ARHGEF28: variants seen among roughly 807,000 people sequenced by gnomAD.
ARHGEF28 encodes the protein 190 kDa guanine nucleotide exchange factor.
A neutral mutation model predicts 206.6 loss-of-function variants in ARHGEF28; 152 were observed. The ratio of observed to expected loss-of-function variants is 0.74; its 90% confidence interval spans 0.64 to 0.84. The LOEUF is 0.84. Among genes scored for constraint, ARHGEF28 ranks in the 40% least tolerant of loss-of-function variants. ARHGEF28 has a pLI of 0.00. For synonymous variants in ARHGEF28, 763 were observed against 776.4 expected (o/e 0.98, Z 0.29); for missense variants, 2,028 against 2,073.2 (o/e 0.98, Z 0.42).
intron 7 of ARHGEF28, among the ~76,000 whole-genome samples, chr5:73,781,632 G>C (rs2112462091): frequency 6.6e-6 from 1 of 152,166 alleles, no homozygotes; most frequent in South Asian, 2.1e-4. Context: ...TGTATTTCTT[G>C]TCTGGAACAG....
At chr5:73,855,049 G>A (rs1218026890) in intron 14 of ARHGEF28, among the ~76,000 whole-genome samples, 1 of 152,110 alleles carries the variant, frequency 6.6e-6, no homozygotes, top group Non-Finnish European at 1.5e-5. Flanking sequence ...ACTAATAATA[G>A]AGATTAGACG....
chr5:73,910,880 A>G (rs1284675717), intron 34 of ARHGEF28, among the ~76,000 whole-genome samples: 1 of 152,216 alleles, frequency 6.6e-6, no homozygotes, highest in African/African-American at 2.4e-5. Context: ...ATAAGCTTAC[A>G]AGATCTCTGT....
intron 2 of ARHGEF28, among the ~76,000 whole-genome samples, chr5:73,726,763 G>A (rs1294181983): frequency 1.3e-5 from 2 of 152,190 alleles, no homozygotes; most frequent in Non-Finnish European, 2.9e-5. Context: ...GCATGTTTAA[G>A]CACTTAATGT....
At chr5:73,895,337 G>C (rs190587307) in intron 29 of ARHGEF28, among the ~76,000 whole-genome samples, 36 of 152,262 alleles carry the variant, frequency 2.4e-4, no homozygotes, top group Admixed American at 1.0e-3. Context: ...TAAGTTTATA[G>C]AATTGAAAAT....
At chr5:73,852,955 C>G (rs1263800474) in intron 14 of ARHGEF28, among the ~76,000 whole-genome samples, 1 of 152,192 alleles carries the variant, frequency 6.6e-6, no homozygotes, top group Non-Finnish European at 1.5e-5. Flanking sequence ...TCAAGGGGAG[C>G]AGTGTGAGGG....
intron 9 of ARHGEF28, among the ~76,000 whole-genome samples, chr5:73,818,364 A>G (rs1756358618): frequency 7.4e-6 from 1 of 135,078 alleles, no homozygotes; most frequent in South Asian, 2.7e-4. Flanking sequence ...AGATACTTTT[A>G]TCTCATGGGC....
At chr5:73,771,966 G>A (rs1297519999) in intron 4 of ARHGEF28, among the ~76,000 whole-genome samples, 1 of 152,152 alleles carries the variant, frequency 6.6e-6, no homozygotes, top group African/African-American at 2.4e-5. Flanking sequence ...ATTTTACTGA[G>A]GGGAAGTGTT....
chr5:73,697,173 T>C (rs939361063), intron 2 of ARHGEF28, among the ~76,000 whole-genome samples: 3 of 152,198 alleles, frequency 2.0e-5, no homozygotes, highest in African/African-American at 7.2e-5. Flanking sequence ...TTGTTAAAAC[T>C]GTAGGGAATG....
chr5:73,905,960 T>C (rs1228190654), intron 33 of ARHGEF28, among the ~76,000 whole-genome samples: 1 of 152,224 alleles, frequency 6.6e-6, no homozygotes, highest in Non-Finnish European at 1.5e-5. Context: ...CCCTCACTGG[T>C]TTATTATTCA....
chr5:73,647,963 C>T (rs1744545968), intron 1 of ARHGEF28, among the ~76,000 whole-genome samples: 1 of 152,174 alleles, frequency 6.6e-6, no homozygotes, highest in African/African-American at 2.4e-5. Flanking sequence ...TACATTGATA[C>T]ATTTTAGTTG....
At chr5:73,765,023 T>C (rs1489339410) in intron 4 of ARHGEF28, among the ~76,000 whole-genome samples, 1 of 152,240 alleles carries the variant, frequency 6.6e-6, no homozygotes, top group Non-Finnish European at 1.5e-5. Context: ...TGTTCATCAT[T>C]TTTGGCATTT....
At chr5:73,862,306 G>T (rs191723475) in intron 16 of ARHGEF28, among the ~76,000 whole-genome samples, 3 of 151,808 alleles carry the variant, frequency 2.0e-5, no homozygotes, top group Non-Finnish European at 2.9e-5. Context: ...GTTTTACTTT[G>T]TCTAAACTTA....
intron 35 of ARHGEF28, among the ~76,000 whole-genome samples, chr5:73,934,502 CA>C (rs1356413230): frequency 6.6e-6 from 1 of 152,172 alleles, no homozygotes; most frequent in Non-Finnish European, 1.5e-5. Flanking sequence ...ATAGATGTTA[CA>C]TGCAGAATTT....
At chr5:73,890,972 A>C (rs1019654579) in intron 26 of ARHGEF28, among the ~76,000 whole-genome samples, 11 of 152,256 alleles carry the variant, frequency 7.2e-5, no homozygotes, top group Non-Finnish European at 1.6e-4. Flanking sequence ...GGAGGATCAC[A>C]GTAGATGTTG....
chr5:73,664,980 C>T (rs1203500279), intron 1 of ARHGEF28, among the ~76,000 whole-genome samples: 1 of 152,138 alleles, frequency 6.6e-6, no homozygotes, highest in Non-Finnish European at 1.5e-5. Context: ...TCTTATTTCC[C>T]ACTACTTCTA....
At chr5:73,892,279 G>A in intron 27 of ARHGEF28, 49 bp downstream of exon 27, 1 of 1,517,332 alleles carries the variant, frequency 6.6e-7, no homozygotes, top group Non-Finnish European at 8.9e-7. Context: ...TGTTCAACTG[G>A]GGAAAATATT....
chr5:73,688,899 C>G (rs1003986620), intron 2 of ARHGEF28, among the ~76,000 whole-genome samples: 2 of 152,184 alleles, frequency 1.3e-5, no homozygotes, highest in South Asian at 4.1e-4. Context: ...TGTGATCCAC[C>G]CACCTCGGCC....
chr5:73,776,366 A>G, intron 5 of ARHGEF28, 150 bp from the exon 6 acceptor site: 1 of 607,962 alleles, frequency 1.6e-6, no homozygotes, highest in Non-Finnish European at 2.8e-6. Context: ...ATCTGTTTTT[A>G]TGATCTTATG....
chr5:73,874,508 C>A (rs1287189472), intron 22 of ARHGEF28, among the ~76,000 whole-genome samples: 2 of 149,416 alleles, frequency 1.3e-5, no homozygotes, highest in Non-Finnish European at 3.0e-5. Context: ...TGTGCTGCAC[C>A]CTTTAACTCG....
Sources: allele counts gnomAD v4.1 joint callset (sites outside exome capture counted in the v4.1 genomes callset), GRCh38; gene constraint gnomAD v4.1.1; transcripts MANE v1.5; gene names NCBI Gene and HGNC (gene_info 2026-07-23, HGNC 2026-07-21).